The following PMM1 variants were observed in gnomAD, a reference collection of about 807,000 sequenced individuals.
The protein encoded by PMM1 is brain glucose-1,6-bisphosphatase.
A neutral mutation model predicts 34.0 loss-of-function variants in PMM1; 25 were observed. The observed-to-expected ratio is 0.73, with a 90% CI of 0.54 to 1.03. The LOEUF (loss-of-function observed/expected upper bound fraction) is 1.03, where lower values mean the gene tolerates loss of function less well. PMM1 is among the 50% of genes least tolerant of loss of function. The pLI is 0.00. For synonymous variants in PMM1, 134 were observed against 143.9 expected (o/e 0.93, Z 0.49); for missense variants, 321 against 350.1 (o/e 0.92, Z 0.66).
At chr22:41,586,015 T>C in intron 2 of PMM1, 61 bp downstream of exon 2, 1 of 1,279,870 alleles carries the variant, frequency 7.8e-7, no homozygotes, top group Non-Finnish European at 1.1e-6. Flanking sequence ...GACTGGATCT[T>C]TGAAGACGCC....
chr22:41,588,814 T>C (rs1447680760), intron 1 of PMM1: 2 of 985,340 alleles, frequency 2.0e-6, no homozygotes, highest in African/African-American at 1.7e-5. Context: ...CACTGCCCAG[T>C]AAAGCCCATC....
In PMM1 at chr22:41,584,099, C is replaced by T. The variant is rs774161265; in HGVS notation, c.375-41G>A. 2.2e-5 allele frequency: 33 copies of T among 1,499,062 alleles called. 1 individual carries two copies. The highest frequency in any genetic ancestry group is 3.4e-5 in the South Asian group (3 of 88,882). 92.9% of individuals were successfully genotyped at this position (1,499,062 alleles called of 1,614,324 possible). ...GGCGGGGAGCCAGAGAGAACCAGAACGGCCCTGAATTCAAATCTAGCCCCA... is the reference window on the plus strand; with the variant it reads ...GGCGGGGAGCCAGAGAGAACCAGAATGGCCCTGAATTCAAATCTAGCCCCA... On this transcript the variant is annotated intron_variant, in intron 4 of 7. Transcript: ENST00000216259.
At chr22:41,588,056 A>ATTTG (rs758851791) in intron 1 of PMM1, among the ~76,000 whole-genome samples, 1 of 152,052 alleles carries the variant, frequency 6.6e-6, no homozygotes, top group South Asian at 2.1e-4. Context: ...TTATTCATTT[A>ATTTG]TTTGTTTGTT....
chr22:41,577,119 CT>C lies in PMM1; in HGVS notation c.*198del. ...TGGAGCATGGGGAACACTCTGGGCC[CT>C]GGGAGGACGAAGCCAGTGCCACTAG... On this transcript the variant is annotated 3_prime_UTR_variant, in exon 8 of 8. Transcript: ENST00000216259. The C allele has an allele frequency of 1.5e-6, 1 of 665,908 alleles. No homozygotes were observed. The highest frequency in any genetic ancestry group is 3.6e-4 in the Middle Eastern group (1 of 2,756). 41.2% of individuals were successfully genotyped at this position (665,908 alleles called of 1,614,324 possible).
chr22:41,586,484 C>A, intron 1 of PMM1: 2 of 370,476 alleles, frequency 5.4e-6, no homozygotes, highest in Non-Finnish European at 9.5e-6. Flanking sequence ...TTTTTGGAGA[C>A]GAATTTTTGT....
intron 5 of PMM1, chr22:41,579,281 G>A (rs2067212570): frequency 4.8e-6 from 1 of 208,162 alleles, no homozygotes; most frequent in African/African-American, 2.3e-5. Flanking sequence ...TGGGAGCTGA[G>A]AGCAGGAGAC....
chr22:41,589,690 G>C (rs1343660222), intron 1 of PMM1, 29 bp downstream of exon 1: 2 of 1,586,522 alleles, frequency 1.3e-6, no homozygotes, highest in Admixed American at 1.7e-5. Flanking sequence ...GACACTCCCG[G>C]TGGGAGCTTC....
chr22:41,584,727 T>G, intron 2 of PMM1, 124 bp from the exon 3 acceptor site: 1 of 670,610 alleles, frequency 1.5e-6, no homozygotes, highest in Non-Finnish European at 2.6e-6. Flanking sequence ...ATTTGTTCAA[T>G]CTGAGGCTAC....
intron 5 of PMM1, among the ~76,000 whole-genome samples, chr22:41,581,161 C>T (rs1381991989): frequency 6.8e-6 from 1 of 146,120 alleles, no homozygotes; most frequent in African/African-American, 2.5e-5. Flanking sequence ...AAACCAAAAC[C>T]AAAACCAAAA....
chr22:41,586,225 G>A (rs376356989), intron 1 of PMM1, 32 bp from the exon 2 acceptor site: 14 of 1,600,834 alleles, frequency 8.7e-6, no homozygotes, highest in Non-Finnish European at 1.2e-5. Flanking sequence ...ATAGCATTCT[G>A]GCTTTCAACA....
Position 41,577,394 on chromosome 22 carries a change from T to C in PMM1, c.713A>G (p.His238Arg). 1 of 1,612,860 alleles carries C rather than the reference T, an allele frequency of 6.2e-7. No individual in the cohort carries two copies. Among genetic ancestry groups the C allele is most frequent in the South Asian group, 1.1e-5 (1 of 91,086 alleles). ...CGTGTCCTGAGGAGACACCACGCTG[T>C]GGCCAACAGTCCGGGGGTCGGCAAA... ...EIFADPRTVG[H>R]SVVSPQDTVQ... The change falls in exon 8 of 8, where the codon CAC (histidine) becomes CGC (arginine). Residue 238 changes from histidine to arginine, a missense_variant. Coordinates refer to ENST00000216259, the MANE Select transcript of PMM1 (RefSeq NM_002676.3).
At chr22:41,586,632 C>T (rs958082728) in intron 1 of PMM1, among the ~76,000 whole-genome samples, 1 of 151,804 alleles carries the variant, frequency 6.6e-6, no homozygotes, top group Admixed American at 6.6e-5. Context: ...CCTCAGCCTC[C>T]CGAGTAGCTG....
At position 41,582,568 on chromosome 22, in the gene PMM1, C is replaced by A. The variant is rs58675543; in HGVS notation, c.474+1391G>T. 1.6e-3 allele frequency among the ~76,000 whole-genome samples: 247 copies of A among 152,244 alleles called. 1 individual carries two copies. Among genetic ancestry groups the A allele is most frequent in the African/African-American group, 5.7e-3 (235 of 41,538 alleles). ...GGAGCTTACAGTTCTGGGACAGGGA[C>A]AGACAGTAATTCGGATTTTAAAAGT... is the stretch of plus-strand genomic sequence containing the variant. On this transcript the variant is annotated intron_variant, in intron 5 of 7. Coordinates refer to ENST00000216259, the MANE Select transcript of PMM1 (RefSeq NM_002676.3).
intron 1 of PMM1, among the ~76,000 whole-genome samples, chr22:41,586,629 C>G (rs2067310689): frequency 6.6e-6 from 1 of 151,924 alleles, no homozygotes; most frequent in South Asian, 2.1e-4. Context: ...CTGCCTCAGC[C>G]TCCCGAGTAG....
chr22:41,578,737 G>C, intron 6 of PMM1, 69 bp downstream of exon 6: 2 of 1,342,610 alleles, frequency 1.5e-6, no homozygotes, highest in Non-Finnish European at 2.1e-6. Context: ...GCCTGGTCTT[G>C]GCAGGGGCAG....
rs1196391816 is a variant in PMM1, at chr22:41,583,961, T to C, written c.472A>G (p.Lys158Glu). ...EERIEFSELD[K>E]KEKIREKFVE... ...TAAGATTGCATAGCTAGTGGTACCT[T>C]GTCCAGTTCGGAGAACTCGATCCTC... The change falls in exon 5 of 8, where the codon AAG (lysine) becomes GAG (glutamate). Residue 158 changes from lysine to glutamate, a missense_variant and splice_region_variant. Lys to Glu is a moderately conservative substitution (Grantham distance 56, BLOSUM62 1). Coordinates refer to ENST00000216259, the MANE Select transcript of PMM1 (RefSeq NM_002676.3). 2.5e-6 allele frequency: 4 copies of C among 1,598,644 alleles called. No individual in the cohort carries two copies. The highest frequency in any genetic ancestry group is 3.4e-6 in the Non-Finnish European group (4 of 1,165,902).
intron 5 of PMM1, chr22:41,580,352 C>T (rs958104033): frequency 6.6e-6 from 1 of 152,264 alleles, no homozygotes; most frequent in African/African-American, 2.4e-5. Context: ...GGTTCATGCT[C>T]CTCCAGTGCC....
At chr22:41,586,377 C>T in intron 1 of PMM1, 184 bp from the exon 2 acceptor site, 2 of 1,062,000 alleles carry the variant, frequency 1.9e-6, no homozygotes, top group Non-Finnish European at 1.3e-6. Flanking sequence ...AATCCCAACA[C>T]TTTGCGAGGC....
intron 6 of PMM1, 104 bp downstream of exon 6, chr22:41,578,702 G>T: frequency 1.1e-6 from 1 of 885,074 alleles, no homozygotes; most frequent in Non-Finnish European, 1.8e-6. Flanking sequence ...CCGGGGAGGG[G>T]CTACTAAAGC....
Sources: allele counts gnomAD v4.1 joint callset (sites outside exome capture counted in the v4.1 genomes callset), GRCh38; gene constraint gnomAD v4.1.1; transcripts MANE v1.5; gene names NCBI Gene and HGNC (gene_info 2026-07-23, HGNC 2026-07-21).